The following ADAMTSL1 variants were observed in gnomAD, a reference collection of about 807,000 sequenced individuals.
ADAMTSL1 encodes the protein ADAMTS like 1.
In ADAMTSL1, 126 loss-of-function variants were observed where a neutral mutation model predicts 201.8. The observed-to-expected ratio is 0.62, with a 90% CI of 0.54 to 0.72. The LOEUF (loss-of-function observed/expected upper bound fraction) is 0.72. Among genes scored for constraint, ADAMTSL1 ranks in the 30% least tolerant of loss-of-function variants. The pLI is 0.00. For synonymous variants in ADAMTSL1, 1,121 were observed against 903.4 expected, an observed-to-expected ratio of 1.24 and a Z score of -4.32; for missense variants, 2,679 against 2,277.8, an observed-to-expected ratio of 1.18 and a Z score of -3.59.
intron 1 of ADAMTSL1, among the ~76,000 whole-genome samples, chr9:18,084,768 G>T (rs1036526320): frequency 6.7e-6 from 1 of 150,256 alleles, no homozygotes; most frequent in Non-Finnish European, 1.5e-5. Flanking sequence ...AGGTGCTGGA[G>T]ACATGAGAGT....
At chr9:18,271,266 T>G (rs2132578987) in intron 2 of ADAMTSL1, among the ~76,000 whole-genome samples, 1 of 152,284 alleles carries the variant, frequency 6.6e-6, no homozygotes, top group South Asian at 2.1e-4. Flanking sequence ...TGTGCCATGT[T>G]GGTGTGCTGC....
chr9:18,535,101 A>T (rs112689451), intron 3 of ADAMTSL1, among the ~76,000 whole-genome samples: 21 of 152,288 alleles, frequency 1.4e-4, no homozygotes, highest in African/African-American at 5.1e-4. Context: ...CTATTTCATC[A>T]TCAGGCTGCA....
At chr9:18,259,213 T>G (rs180926635) in intron 2 of ADAMTSL1, among the ~76,000 whole-genome samples, 51 of 152,302 alleles carry the variant, frequency 3.3e-4, no homozygotes, top group Admixed American at 1.1e-3. Context: ...CAGCCCAAAC[T>G]TTAGGAATGA....
At chr9:18,376,771 A>C (rs1344220435) in intron 2 of ADAMTSL1, among the ~76,000 whole-genome samples, 2 of 152,066 alleles carry the variant, frequency 1.3e-5, no homozygotes, top group Non-Finnish European at 2.9e-5. Context: ...GCATCACTGC[A>C]CTCCAGCCTG....
intron 4 of ADAMTSL1, among the ~76,000 whole-genome samples, chr9:18,590,107 TTTGA>T (rs1823811319): frequency 6.6e-6 from 1 of 152,068 alleles, no homozygotes; most frequent in African/African-American, 2.4e-5. Context: ...TTCTCTCCTC[TTTGA>T]TTGTTTTTTT....
chr9:18,213,395 T>A (rs951428570), intron 2 of ADAMTSL1, among the ~76,000 whole-genome samples: 1 of 152,182 alleles, frequency 6.6e-6, no homozygotes, highest in Non-Finnish European at 1.5e-5. Context: ...TGTTCCTGGG[T>A]GAGAAGACAG....
At chr9:18,614,484 C>T (rs1825579740) in intron 4 of ADAMTSL1, among the ~76,000 whole-genome samples, 1 of 152,102 alleles carries the variant, frequency 6.6e-6, no homozygotes, top group Non-Finnish European at 1.5e-5. Context: ...AGCTAATTTT[C>T]AAGGTTATTA....
intron 2 of ADAMTSL1, among the ~76,000 whole-genome samples, chr9:18,315,983 A>C (rs968118966): frequency 2.0e-5 from 3 of 152,220 alleles, no homozygotes; most frequent in African/African-American, 7.2e-5. Context: ...GGCTTGAGAA[A>C]TAAAGGGACA....
At chr9:18,105,120 T>A (rs1263194291) in intron 1 of ADAMTSL1, among the ~76,000 whole-genome samples, 2 of 152,194 alleles carry the variant, frequency 1.3e-5, no homozygotes, top group South Asian at 4.1e-4. Flanking sequence ...GGTCTACCCC[T>A]AATGAGATGT....
intron 2 of ADAMTSL1, among the ~76,000 whole-genome samples, chr9:18,273,103 G>A (rs1235429471): frequency 3.9e-5 from 6 of 152,200 alleles, no homozygotes; most frequent in African/African-American, 9.6e-5. Context: ...TATACCTTGT[G>A]GAGTCTCACT....
At chr9:18,772,644 G>A (rs1195500831) in intron 17 of ADAMTSL1, among the ~76,000 whole-genome samples, 5 of 152,174 alleles carry the variant, frequency 3.3e-5, no homozygotes, top group Non-Finnish European at 7.3e-5. Context: ...GTGGGAGGAT[G>A]AAATTAAATA....
chr9:18,144,694 G>A (rs1035113596), intron 1 of ADAMTSL1, among the ~76,000 whole-genome samples: 5 of 152,084 alleles, frequency 3.3e-5, no homozygotes, highest in Non-Finnish European at 5.9e-5. Context: ...CTTTTTAGAA[G>A]CAGAGAATTT....
At chr9:18,436,506 C>T (rs988554002) in intron 2 of ADAMTSL1, among the ~76,000 whole-genome samples, 4 of 152,158 alleles carry the variant, frequency 2.6e-5, no homozygotes, top group Non-Finnish European at 4.4e-5. Flanking sequence ...CACGTTGGCT[C>T]CCTTTATCTC....
chr9:18,368,040 C>G (rs1274789855), intron 2 of ADAMTSL1, among the ~76,000 whole-genome samples: 1 of 151,930 alleles, frequency 6.6e-6, no homozygotes, highest in African/African-American at 2.4e-5. Flanking sequence ...GCTGGGACTA[C>G]AGGCGCCCGC....
chr9:18,241,814 G>A (rs576427250), intron 2 of ADAMTSL1, among the ~76,000 whole-genome samples: 28 of 152,046 alleles, frequency 1.8e-4, no homozygotes, highest in Non-Finnish European at 2.9e-4. Context: ...TACAAAGATA[G>A]AATCAGGAAG....
At chr9:18,222,932 A>G (rs144851097) in intron 2 of ADAMTSL1, among the ~76,000 whole-genome samples, 1,587 of 151,970 alleles carry the variant, frequency 0.01, 24 homozygotes, top group African/African-American at 0.035. Flanking sequence ...TGCCAGTGTA[A>G]TTTTTGTATC....
intron 7 of ADAMTSL1, among the ~76,000 whole-genome samples, chr9:18,656,253 T>G (rs534280099): frequency 2.0e-5 from 3 of 151,982 alleles, no homozygotes; most frequent in Admixed American, 6.6e-5. Flanking sequence ...CTTGTTAAAT[T>G]AAGTAGCACA....
chr9:18,190,989 A>G lies in ADAMTSL1; in HGVS notation c.207+27008A>G, dbSNP rs537750376. Among the ~76,000 whole-genome samples the G allele has an allele frequency of 4.2e-4, 64 of 152,338 alleles. 1 individual carries two copies. Among genetic ancestry groups the G allele is most frequent in the African/African-American group, 1.4e-3 (58 of 41,582 alleles). ...TAATCCAAATTTCCACAAGAAATCT[A>G]GAATGATGTTACAAGTAAGCAGATG... is the stretch of plus-strand genomic sequence containing the variant. On this transcript the variant is annotated intron_variant, in intron 2 of 29. Transcript: ENST00000680146.
intron 1 of ADAMTSL1, among the ~76,000 whole-genome samples, chr9:18,003,831 A>C (rs1239010110): frequency 6.6e-6 from 1 of 152,008 alleles, no homozygotes; most frequent in East Asian, 1.9e-4. Context: ...TCATGTGAAA[A>C]CCAGATTCTC....
Sources: allele counts gnomAD v4.1 joint callset (sites outside exome capture counted in the v4.1 genomes callset), GRCh38; gene constraint gnomAD v4.1.1; transcripts MANE v1.5; gene names NCBI Gene and HGNC (gene_info 2026-07-23, HGNC 2026-07-21).